The following SEMA4D variants were observed in gnomAD, a reference collection of about 807,000 sequenced individuals.
SEMA4D encodes semaphorin 4D.
Under a neutral mutation model 74.8 loss-of-function variants are expected in SEMA4D, and 22 were observed. That is an observed-to-expected ratio of 0.29 (90% CI 0.21 to 0.42). SEMA4D has a LOEUF of 0.42. Ranked by LOEUF, SEMA4D falls within the 10% of genes least tolerant of loss-of-function variation. The pLI, the probability that SEMA4D is intolerant of heterozygous loss-of-function variation, is 1.00. For missense variants in SEMA4D, 937 were observed against 1,118.4 expected (o/e 0.84, Z 2.31); for synonymous variants, 445 against 463.7 (o/e 0.96, Z 0.52).
In SEMA4D at chr9:89,381,044, G is replaced by T. The variant is rs763389990; in HGVS notation, c.1663+11C>A. 3 of 1,614,044 alleles carry T rather than the reference G, an allele frequency of 1.9e-6. No homozygotes were observed. The highest frequency in any genetic ancestry group is 2.5e-6 in the Non-Finnish European group (3 of 1,180,022). Reference sequence around the variant, plus strand: ...CTCCCAAAGGAAATGGGACGTCGAGGAGTCACTCACCCGGGCACACAGAAG... The same window carrying T: ...CTCCCAAAGGAAATGGGACGTCGAGTAGTCACTCACCCGGGCACACAGAAG... On this transcript the variant is annotated intron_variant, in intron 15 of 15. Transcript: ENST00000422704. The surrounding 1 kb of genome is among the most constrained non-coding windows in gnomAD (Gnocchi z 4.6).
At chr9:89,372,016 GTCT>G (rs1835040599) in intron 16 of SEMA4D, among the ~76,000 whole-genome samples, 1 of 22,732 alleles carries the variant, frequency 4.4e-5, no homozygotes, top group Non-Finnish European at 9.1e-5. Context: ...TGTGGTGTGT[GTCT>G]GGGGTGTGGT....
intron 13 of SEMA4D, among the ~76,000 whole-genome samples, chr9:89,384,397 A>G (rs1228274134): frequency 6.6e-6 from 1 of 152,258 alleles, no homozygotes; most frequent in Non-Finnish European, 1.5e-5. Context: ...CCAGTTACAA[A>G]TGGATAAATA....
At chr9:89,480,553 G>C (rs28519528) in intron 1 of SEMA4D, among the ~76,000 whole-genome samples, 1,638 of 152,346 alleles carry the variant, frequency 0.011, 30 homozygotes, top group African/African-American at 0.038. Context: ...CAGGTCCCGA[G>C]CCCTGCCCCG....
intron 1 of SEMA4D, among the ~76,000 whole-genome samples, chr9:89,471,638 G>C (rs1405616671): frequency 2.0e-5 from 3 of 151,810 alleles, no homozygotes; most frequent in Non-Finnish European, 4.4e-5. Flanking sequence ...ACAGGCTGAG[G>C]TGCATGCCAG....
rs147640487 is a variant in SEMA4D at position 89,460,381 on chromosome 9, T to C, written c.-309-4428A>G. ...CACATGTGATCTCATGGTCAGCATG[T>C]GGCCAGGCCCTGGCCCCTACTGTGA... is the stretch of plus-strand genomic sequence containing the variant. On this transcript the variant is annotated intron_variant, in intron 1 of 15. Coordinates refer to ENST00000422704, the MANE Select transcript of SEMA4D (RefSeq NM_001371194.2). Among the ~76,000 whole-genome samples, 7 of 152,388 alleles carry C rather than the reference T, an allele frequency of 4.6e-5. No individual in the cohort carries two copies. The East Asian group carries it at 1.3e-3, about 29-fold the overall frequency.
chr9:89,388,600 G>A, intron 11 of SEMA4D, 36 bp downstream of exon 11: 1 of 1,575,256 alleles, frequency 6.3e-7, no homozygotes, highest in Admixed American at 1.9e-5. Flanking sequence ...GGGCCTTGAA[G>A]GGAAAGCACG....
At chr9:89,496,488 C>T (rs933758533) in intron 1 of SEMA4D, among the ~76,000 whole-genome samples, 1 of 152,198 alleles carries the variant, frequency 6.6e-6, no homozygotes, top group Non-Finnish European at 1.5e-5. Flanking sequence ...CACGTACACT[C>T]TTCTCAGTCT....
chr9:89,370,166 CTG>C (rs1264472392), intron 16 of SEMA4D, among the ~76,000 whole-genome samples: 3 of 146,384 alleles, frequency 2.0e-5, no homozygotes, highest in African/African-American at 7.6e-5. Context: ...TATGCATGGT[CTG>C]TGTGTATGGT....
At chr9:89,465,257 C>T (rs1858382121) in intron 1 of SEMA4D, among the ~76,000 whole-genome samples, 1 of 152,110 alleles carries the variant, frequency 6.6e-6, no homozygotes, top group Non-Finnish European at 1.5e-5. Context: ...ACAAGAGGGG[C>T]CTAAGTCCCC....
intron 5 of SEMA4D, among the ~76,000 whole-genome samples, chr9:89,397,194 G>A (rs950032708): frequency 1.3e-5 from 2 of 152,190 alleles, no homozygotes; most frequent in Non-Finnish European, 2.9e-5. Flanking sequence ...TTGATACTCA[G>A]CAAAGATGTG....
chr9:89,456,139 A>C (rs530474213), intron 1 of SEMA4D, among the ~76,000 whole-genome samples, 186 bp from the exon 2 acceptor site: 17 of 152,364 alleles, frequency 1.1e-4, no homozygotes, highest in African/African-American at 3.6e-4. Flanking sequence ...AGACCAGAGG[A>C]GGCATCACAG....
chr9:89,385,866 G>GGGGGGGGGGGGGGCCC, intron 13 of SEMA4D: 8 of 196,226 alleles, frequency 4.1e-5, no homozygotes, highest in Non-Finnish European at 6.3e-5. Context: ...CAGCGTGGAT[G>GGGGGGGGGGGGGGCCC]CCCGCCCACC....
intron 11 of SEMA4D, 61 bp from the exon 12 acceptor site, chr9:89,387,669 C>T: frequency 6.7e-7 from 1 of 1,489,096 alleles, no homozygotes; most frequent in Admixed American, 1.7e-5. Context: ...CGGGTGCTTC[C>T]ACACAAGCAG....
At chr9:89,447,791 C>T (rs1242946273) in intron 2 of SEMA4D, among the ~76,000 whole-genome samples, 1 of 151,596 alleles carries the variant, frequency 6.6e-6, no homozygotes, top group Non-Finnish European at 1.5e-5. Context: ...CCCCCCACCA[C>T]CACTTCAGTG....
At chr9:89,474,306 C>A (rs1315271056) in intron 1 of SEMA4D, among the ~76,000 whole-genome samples, 1 of 152,248 alleles carries the variant, frequency 6.6e-6, no homozygotes, top group African/African-American at 2.4e-5. Context: ...TTAACCTTCG[C>A]TTAAACCCTG....
intron 16 of SEMA4D, chr9:89,365,693 A>C (rs897812055): frequency 2.6e-5 from 4 of 152,264 alleles, no homozygotes; most frequent in African/African-American, 9.7e-5. Context: ...TGCACACACA[A>C]AAACTGGCCT....
chr9:89,487,382 G>A (rs1433568850), intron 1 of SEMA4D, among the ~76,000 whole-genome samples: 2 of 151,956 alleles, frequency 1.3e-5, no homozygotes, highest in African/African-American at 4.8e-5. Flanking sequence ...AACTTCCACC[G>A]CCTTGTAAAA....
intron 1 of SEMA4D, among the ~76,000 whole-genome samples, chr9:89,457,178 C>A (rs1048023857): frequency 3.9e-5 from 6 of 152,046 alleles, no homozygotes; most frequent in Non-Finnish European, 8.8e-5. Context: ...AGCTGAGCAA[C>A]CAGAGCCTGT....
In SEMA4D at chr9:89,379,015, G is replaced by A. The variant is rs144584936; in HGVS notation, c.2278C>T (p.Leu760=). 16 of 1,611,972 alleles carry A rather than the reference G, an allele frequency of 9.9e-6. No individual in the cohort carries two copies. The African/African-American group carries it at 2.0e-4, about 20-fold the overall frequency. ...LFFYNCYKGY[L]PRQCLKFRSA... Reference sequence around the variant, plus strand: ...CGGAATTTCAAGCACTGTCTGGGCAGGTATCCCTTATAGCAGTTGTAGAAA... The same window carrying A: ...CGGAATTTCAAGCACTGTCTGGGCAAGTATCCCTTATAGCAGTTGTAGAAA... Residue 760 remains leucine, a synonymous_variant, in exon 16 of 16, where the codon CTG becomes TTG. Coordinates refer to ENST00000422704, the MANE Select transcript of SEMA4D (RefSeq NM_001371194.2).
Sources: allele counts gnomAD v4.1 joint callset (sites outside exome capture counted in the v4.1 genomes callset), GRCh38; gene constraint gnomAD v4.1.1; non-coding constraint Gnocchi (gnomAD v3.1); transcripts MANE v1.5; gene names NCBI Gene and HGNC (gene_info 2026-07-23, HGNC 2026-07-21).